Variants in CCDC85A observed in about 807,000 individuals in gnomAD.
CCDC85A encodes coiled-coil domain containing 85A, also known as coiled-coil domain-containing protein 85A.
Under a neutral mutation model 50.2 loss-of-function variants are expected in CCDC85A, and 38 were observed. The ratio of observed to expected loss-of-function variants is 0.76; its 90% CI spans 0.58 to 0.99. The LOEUF is 0.99. Ranked by LOEUF, CCDC85A falls within the 50% of genes least tolerant of loss-of-function variation. CCDC85A has a pLI of 0.00. For missense variants in CCDC85A, 820 were observed against 742.0 expected (o/e 1.11, Z -1.22); for synonymous variants, 366 against 301.4 (o/e 1.21, Z -2.22).
intron 2 of CCDC85A, among the ~76,000 whole-genome samples, chr2:56,267,015 G>T (rs568043742): frequency 1.3e-5 from 2 of 152,230 alleles, no homozygotes; most frequent in East Asian, 3.9e-4. Context: ...ATGTGCTTAG[G>T]CAAATGAAGA....
intron 2 of CCDC85A, among the ~76,000 whole-genome samples, chr2:56,314,023 A>G (rs1449452440): frequency 2.7e-5 from 4 of 150,500 alleles, no homozygotes; most frequent in Non-Finnish European, 4.4e-5. Flanking sequence ...CCATGTTGTC[A>G]GGGGGATTCT....
At chr2:56,376,077 A>G in intron 5 of CCDC85A, 142 bp downstream of exon 5, 1 of 866,588 alleles carries the variant, frequency 1.2e-6, no homozygotes, top group Non-Finnish European at 1.7e-6. Flanking sequence ...TTTAAATCTT[A>G]ATTTTTGAAG....
intron 2 of CCDC85A, among the ~76,000 whole-genome samples, chr2:56,268,594 C>A (rs922057162): frequency 0.013 from 1,296 of 101,856 alleles, no homozygotes; most frequent in Middle Eastern, 0.024. Context: ...GATTCCGTCT[C>A]AAAAAAAAAA....
intron 2 of CCDC85A, among the ~76,000 whole-genome samples, chr2:56,298,544 T>C (rs555563712): frequency 2.0e-5 from 3 of 152,252 alleles, no homozygotes; most frequent in Admixed American, 6.5e-5. Context: ...AAGAAAAAAC[T>C]TTCTGTTGTA....
intron 2 of CCDC85A, among the ~76,000 whole-genome samples, chr2:56,196,902 A>T (rs1050915423): frequency 2.8e-5 from 4 of 141,906 alleles, no homozygotes; most frequent in Admixed American, 2.1e-4. Context: ...AAAAAAAAAA[A>T]GGAATTGTTT....
intron 2 of CCDC85A, among the ~76,000 whole-genome samples, chr2:56,280,878 C>A (rs1671175648): frequency 6.6e-6 from 1 of 152,098 alleles, no homozygotes; most frequent in South Asian, 2.1e-4. Context: ...TCAGATTATC[C>A]TTTGACATTA....
Position 56,356,995 on chromosome 2 carries a change from C to G in CCDC85A, c.1317+14040C>G, listed in dbSNP as rs57258670. Among the ~76,000 whole-genome samples the G allele has an allele frequency of 3.1e-3, 474 of 151,332 alleles. 1 individual carries two copies. Among genetic ancestry groups the G allele is most frequent in the African/African-American group, 0.011 (461 of 41,188 alleles). ...TCGGGAGGTTGAGGCAGGATAATGACGTGAACCTGGGAGGCGGAGCTTGCA... is the reference window on the plus strand; with the variant it reads ...TCGGGAGGTTGAGGCAGGATAATGAGGTGAACCTGGGAGGCGGAGCTTGCA... On this transcript the variant is annotated intron_variant, in intron 3 of 5. Transcript: ENST00000407595.
intron 2 of CCDC85A, among the ~76,000 whole-genome samples, chr2:56,197,976 G>C (rs72917049): frequency 6.6e-6 from 1 of 152,102 alleles, no homozygotes; most frequent in Non-Finnish European, 1.5e-5. Context: ...CTGCACTGCC[G>C]GCAATGCTAA....
chr2:56,183,890 G>A (rs1159511249), upstream of CCDC85A: 16 of 985,384 alleles, frequency 1.6e-5, no homozygotes, highest in East Asian at 1.1e-4. Flanking sequence ...CCGGGCAGCG[G>A]TCGAGTGGCA....
chr2:56,347,876 G>T (rs1674707643), intron 3 of CCDC85A, among the ~76,000 whole-genome samples: 2 of 152,082 alleles, frequency 1.3e-5, no homozygotes, highest in Non-Finnish European at 2.9e-5. Context: ...TTTTAATCCA[G>T]ACATAGTCGA....
chr2:56,297,951 G>T (rs974825253), intron 2 of CCDC85A, among the ~76,000 whole-genome samples: 1 of 152,094 alleles, frequency 6.6e-6, no homozygotes, highest in African/African-American at 2.4e-5. Flanking sequence ...ACCATGATCT[G>T]CCATCAACAA....
At chr2:56,290,679 G>C (rs1057098019) in intron 2 of CCDC85A, among the ~76,000 whole-genome samples, 1 of 152,172 alleles carries the variant, frequency 6.6e-6, no homozygotes, top group Admixed American at 6.5e-5. Flanking sequence ...CATTGTTAAT[G>C]TTTCAAATTT....
At chr2:56,364,139 T>C (rs1675673621) in intron 3 of CCDC85A, among the ~76,000 whole-genome samples, 1 of 152,170 alleles carries the variant, frequency 6.6e-6, no homozygotes, top group African/African-American at 2.4e-5. Flanking sequence ...TTTAACAGCC[T>C]CTTTTTCTTT....
intron 3 of CCDC85A, among the ~76,000 whole-genome samples, chr2:56,356,858 A>G (rs1305653553): frequency 6.6e-6 from 1 of 151,884 alleles, no homozygotes; most frequent in African/African-American, 2.4e-5. Context: ...TCACGAGGTC[A>G]GGAGATCAAG....
At chr2:56,274,592 A>C (rs1269423259) in intron 2 of CCDC85A, among the ~76,000 whole-genome samples, 3 of 152,150 alleles carry the variant, frequency 2.0e-5, no homozygotes, top group Non-Finnish European at 2.9e-5. Context: ...CTTCACTTAA[A>C]ATCTATGGAT....
At chr2:56,269,867 T>C (rs1670622728) in intron 2 of CCDC85A, among the ~76,000 whole-genome samples, 1 of 152,198 alleles carries the variant, frequency 6.6e-6, no homozygotes. Flanking sequence ...AATAGCGCTA[T>C]TATATTTTCT....
At chr2:56,278,480 G>A (rs1671062097) in intron 2 of CCDC85A, among the ~76,000 whole-genome samples, 1 of 152,120 alleles carries the variant, frequency 6.6e-6, no homozygotes, top group Non-Finnish European at 1.5e-5. Context: ...ACTTCAATCT[G>A]ATATCTGGTT....
At chr2:56,305,839 G>A (rs546132015) in intron 2 of CCDC85A, among the ~76,000 whole-genome samples, 1 of 152,266 alleles carries the variant, frequency 6.6e-6, no homozygotes, top group East Asian at 1.9e-4. Flanking sequence ...TGTGTAATCA[G>A]CATTGCTGAT....
chr2:56,325,366 T>A (rs910774358), intron 2 of CCDC85A, among the ~76,000 whole-genome samples: 1 of 152,124 alleles, frequency 6.6e-6, no homozygotes, highest in Non-Finnish European at 1.5e-5. Context: ...TAAATATTGA[T>A]ATATATTCTC....
Sources: gnomAD v4.1 joint callset for allele counts (sites outside exome capture counted in the v4.1 genomes callset) on GRCh38, gnomAD v4.1.1 for gene constraint, MANE v1.5 for transcripts, NCBI Gene and HGNC (gene_info 2026-07-23, HGNC 2026-07-21) for gene names.